The following KCNIP1 variants were observed in gnomAD, a reference collection of about 807,000 sequenced individuals.
The protein encoded by KCNIP1 is A-type potassium channel modulatory protein KCNIP1.
A neutral mutation model predicts 33.0 loss-of-function variants in KCNIP1; 18 were observed. That is an observed-to-expected ratio of 0.55 (90% confidence interval 0.38 to 0.81). The LOEUF is 0.81. KCNIP1 is among the 30% of genes least tolerant of loss of function. The pLI, the probability that KCNIP1 is intolerant of heterozygous loss-of-function variation, is 0.00. For synonymous variants in KCNIP1, 93 were observed against 98.3 expected (o/e 0.95, Z 0.32); for missense variants, 238 against 271.6 (o/e 0.88, Z 0.87).
intron 1 of KCNIP1, among the ~76,000 whole-genome samples, chr5:170,562,777 C>G (rs1005904814): frequency 1.3e-5 from 2 of 152,226 alleles, no homozygotes; most frequent in African/African-American, 4.8e-5. Flanking sequence ...ACTTCCAGAG[C>G]CCAGGGCTCT....
chr5:170,637,674 G>T (rs1056012215), intron 1 of KCNIP1, among the ~76,000 whole-genome samples: 1 of 152,116 alleles, frequency 6.6e-6, no homozygotes, highest in Non-Finnish European at 1.5e-5. Context: ...CTTTAGTGAG[G>T]CTTTCCTGGC....
chr5:170,661,843 C>T (rs1349154438), intron 1 of KCNIP1, among the ~76,000 whole-genome samples: 1 of 152,194 alleles, frequency 6.6e-6, no homozygotes, highest in Non-Finnish European at 1.5e-5. Flanking sequence ...AATCAGACGC[C>T]AACCTGTCCC....
intron 1 of KCNIP1, chr5:170,385,324 A>G: frequency 6.2e-7 from 1 of 1,614,160 alleles, no homozygotes. Flanking sequence ...CTTTTCTGGT[A>G]GAGGGGCAGC....
chr5:170,606,211 G>A (rs1758912881), intron 1 of KCNIP1, among the ~76,000 whole-genome samples: 1 of 152,142 alleles, frequency 6.6e-6, no homozygotes, highest in Non-Finnish European at 1.5e-5. Flanking sequence ...AAATATTCAT[G>A]TACAAGTTTT....
At chr5:170,475,635 GT>G (rs1182187909) in intron 1 of KCNIP1, among the ~76,000 whole-genome samples, 1 of 152,210 alleles carries the variant, frequency 6.6e-6, no homozygotes, top group Non-Finnish European at 1.5e-5. Flanking sequence ...ATATCTTTCT[GT>G]TCTGGATGCT....
At chr5:170,607,086 G>A (rs966372600) in intron 1 of KCNIP1, among the ~76,000 whole-genome samples, 5 of 152,216 alleles carry the variant, frequency 3.3e-5, no homozygotes, top group Non-Finnish European at 7.3e-5. Context: ...ACCACCTCCT[G>A]TTCACCAGCA....
intron 1 of KCNIP1, among the ~76,000 whole-genome samples, chr5:170,562,474 C>G (rs1757066729): frequency 6.6e-6 from 1 of 152,210 alleles, no homozygotes; most frequent in African/African-American, 2.4e-5. Context: ...TGATGTGTAG[C>G]AGGCACTCGA....
chr5:170,470,170 C>CTTT (rs1756691175), intron 1 of KCNIP1, among the ~76,000 whole-genome samples: 1 of 152,100 alleles, frequency 6.6e-6, no homozygotes, highest in Admixed American at 6.5e-5. Context: ...ACATCTGGCC[C>CTTT]CCACTTTCTC....
intron 1 of KCNIP1, among the ~76,000 whole-genome samples, chr5:170,694,396 A>T (rs2113821889): frequency 6.6e-6 from 1 of 152,254 alleles, no homozygotes. Flanking sequence ...ACCTTAGAGC[A>T]GCTCTCTTTT....
chr5:170,604,537 A>AC (rs1758824998), intron 1 of KCNIP1, among the ~76,000 whole-genome samples: 1 of 152,186 alleles, frequency 6.6e-6, no homozygotes, highest in African/African-American at 2.4e-5. Context: ...GGAGAAGCCA[A>AC]TGGATCTCTG....
intron 1 of KCNIP1, among the ~76,000 whole-genome samples, chr5:170,449,457 C>A (rs1756194203): frequency 6.6e-6 from 1 of 152,208 alleles, no homozygotes. Flanking sequence ...ACTTCCAGGG[C>A]TCCAAGGAGT....
At chr5:170,454,172 A>C (rs1756321106) in intron 1 of KCNIP1, among the ~76,000 whole-genome samples, 1 of 152,264 alleles carries the variant, frequency 6.6e-6, no homozygotes, top group Non-Finnish European at 1.5e-5. Flanking sequence ...ATGCTTTGCA[A>C]AAAGAGGAAA....
intron 1 of KCNIP1, among the ~76,000 whole-genome samples, chr5:170,405,436 T>C (rs1755010463): frequency 6.6e-6 from 1 of 152,200 alleles, no homozygotes; most frequent in South Asian, 2.1e-4. Context: ...ATTCTTGACC[T>C]CAGGTGATCT....
intron 1 of KCNIP1, among the ~76,000 whole-genome samples, chr5:170,518,903 C>A (rs974828026): frequency 1.3e-5 from 2 of 152,184 alleles, no homozygotes; most frequent in Non-Finnish European, 2.9e-5. Flanking sequence ...GAATGAGAGG[C>A]ACATCCTGGC....
intron 1 of KCNIP1, among the ~76,000 whole-genome samples, chr5:170,449,480 C>T (rs559778553): frequency 1.4e-4 from 21 of 152,308 alleles, no homozygotes; most frequent in African/African-American, 4.8e-4. Context: ...AGAGGAAAAT[C>T]GGGCAGGTCC....
At chr5:170,521,181 A>G (rs1755351760) in intron 1 of KCNIP1, among the ~76,000 whole-genome samples, 1 of 152,176 alleles carries the variant, frequency 6.6e-6, no homozygotes, top group African/African-American at 2.4e-5. Context: ...TCCCATATCC[A>G]TCAGCCATGG....
chr5:170,660,618 C>T (rs1761445553), intron 1 of KCNIP1, among the ~76,000 whole-genome samples: 2 of 152,206 alleles, frequency 1.3e-5, no homozygotes, highest in African/African-American at 2.4e-5. Context: ...CAACCCTGGG[C>T]TTAGTGTCTG....
chr5:170,427,196 A>T (rs1755633798), intron 1 of KCNIP1, among the ~76,000 whole-genome samples: 1 of 152,194 alleles, frequency 6.6e-6, no homozygotes, highest in South Asian at 2.1e-4. Flanking sequence ...AGCCTTAAAG[A>T]GGTGCTGAGA....
In KCNIP1 at chr5:170,656,992, C is replaced by CTTTTTT. The variant is rs11397076; in HGVS notation, c.62-61763_62-61762insTTTTTT. ...CTGTCTTTTCTTTTCTTTTTTCTTTCTTTCTTTTTTTTTTTTTTTTTGAGA... is the reference window on the plus strand; with the variant it reads ...CTGTCTTTTCTTTTCTTTTTTCTTTCTTTTTTTTTCTTTTTTTTTTTTTTTTTGAGA... On this transcript the variant is annotated intron_variant, in intron 1 of 7. Transcript: ENST00000328939. Among the ~76,000 whole-genome samples, 84 of 116,426 alleles carry CTTTTTT rather than the reference C, an allele frequency of 7.2e-4. 1 individual carries two copies. The highest frequency in any genetic ancestry group is 2.1e-3 in the African/African-American group (57 of 27,616). 76.4% of individuals were successfully genotyped at this position (116,426 alleles called of 152,430 possible).
Sources: allele counts gnomAD v4.1 joint callset (sites outside exome capture counted in the v4.1 genomes callset), GRCh38; gene constraint gnomAD v4.1.1; transcripts MANE v1.5; gene names NCBI Gene and HGNC (gene_info 2026-07-23, HGNC 2026-07-21).